The following STON2 variants were observed in gnomAD, a reference collection of about 807,000 sequenced individuals.
STON2 encodes stonin-2.
Under a neutral mutation model 65.7 loss-of-function variants are expected in STON2, and 29 were observed. That is an observed-to-expected ratio of 0.44 (90% CI 0.33 to 0.60). The LOEUF (loss-of-function observed/expected upper bound fraction) is 0.60, where lower values mean the gene tolerates loss of function less well. Ranked by LOEUF, STON2 falls within the 20% of genes least tolerant of loss-of-function variation. The pLI, the probability that STON2 is intolerant of heterozygous loss-of-function variation, is 0.03. For missense variants in STON2, 1,054 were observed against 1,118.1 expected (o/e 0.94, Z 0.82); for synonymous variants, 404 against 414.2 (o/e 0.98, Z 0.30).
At chr14:81,357,900 AG>A (rs1189499001) in intron 4 of STON2, among the ~76,000 whole-genome samples, 2 of 78,382 alleles carry the variant, frequency 2.6e-5, no homozygotes, top group Non-Finnish European at 4.6e-5. Context: ...GGGTGGGGGG[AG>A]GGGGGAGGGA....
intron 3 of STON2, chr14:81,394,800 C>T (rs1900236803): frequency 1.3e-5 from 2 of 152,232 alleles, no homozygotes; most frequent in Admixed American, 6.5e-5. Context: ...TCCCCTAGAG[C>T]TTCCAGAAAG....
At chr14:81,297,732 T>C (rs1344581076) in intron 5 of STON2, among the ~76,000 whole-genome samples, 1 of 152,208 alleles carries the variant, frequency 6.6e-6, no homozygotes, top group Admixed American at 6.5e-5. Flanking sequence ...TAATAATCAA[T>C]AGAAAGTAAT....
chr14:81,292,040 G>A (rs1338457515), intron 5 of STON2, among the ~76,000 whole-genome samples: 1 of 152,022 alleles, frequency 6.6e-6, no homozygotes. Flanking sequence ...CTATTATTTG[G>A]GCAATAATTC....
chr14:81,291,288 A>G (rs1050415157), intron 5 of STON2, among the ~76,000 whole-genome samples: 1 of 152,182 alleles, frequency 6.6e-6, no homozygotes, highest in African/African-American at 2.4e-5. Context: ...ATGTATATGA[A>G]GACATATACA....
intron 5 of STON2, among the ~76,000 whole-genome samples, chr14:81,305,418 G>A (rs998400474): frequency 3.3e-4 from 50 of 152,326 alleles, no homozygotes; most frequent in African/African-American, 1.2e-3. Context: ...GGTGTGTGGT[G>A]TGTTATATTG....
upstream of STON2, among the ~76,000 whole-genome samples, chr14:81,401,166 T>C (rs1026776113): frequency 1.3e-5 from 2 of 152,222 alleles, no homozygotes; most frequent in African/African-American, 4.8e-5. Flanking sequence ...GTTTCAGTCA[T>C]TGTTCAAAAT....
At chr14:81,298,416 G>A (rs545883900) in intron 5 of STON2, among the ~76,000 whole-genome samples, 28 of 48,564 alleles carry the variant, frequency 5.8e-4, no homozygotes, top group Middle Eastern at 0.01. Context: ...GCTTCAGATG[G>A]GGGGGGGGAA....
chr14:81,370,456 T>C (rs1011813679), intron 4 of STON2, among the ~76,000 whole-genome samples: 2 of 152,240 alleles, frequency 1.3e-5, no homozygotes, highest in Admixed American at 6.5e-5. Flanking sequence ...GGAGGCATAG[T>C]GCATTGCCGA....
At chr14:81,407,221 T>C (rs1278616817) in intron 2 of STON2, among the ~76,000 whole-genome samples, 3 of 152,208 alleles carry the variant, frequency 2.0e-5, no homozygotes, top group Non-Finnish European at 2.9e-5. Context: ...CCCTGGAACA[T>C]TACTTTCTGA....
At chr14:81,293,632 A>G (rs1895649082) in intron 5 of STON2, among the ~76,000 whole-genome samples, 1 of 152,166 alleles carries the variant, frequency 6.6e-6, no homozygotes, top group African/African-American at 2.4e-5. Flanking sequence ...GAGATTAAAT[A>G]CATATATCTT....
chr14:81,427,373 G>A (rs1902029141), intron 1 of STON2: 1 of 152,160 alleles, frequency 6.6e-6, no homozygotes, highest in Non-Finnish European at 1.5e-5. Flanking sequence ...ACAGCCCCTG[G>A]GCCCAGGAGC....
At chr14:81,331,588 C>G (rs1897217570) in intron 4 of STON2, among the ~76,000 whole-genome samples, 1 of 152,176 alleles carries the variant, frequency 6.6e-6, no homozygotes. Context: ...CACTGCCCAC[C>G]AATACAACGA....
intron 3 of STON2, among the ~76,000 whole-genome samples, chr14:81,384,580 A>AC (rs909150477): frequency 6.6e-6 from 1 of 151,476 alleles, no homozygotes; most frequent in Non-Finnish European, 1.5e-5. Context: ...TCTGGTATGA[A>AC]CCCCCCTCCC....
At chr14:81,394,073 C>T (rs1900203488) in intron 3 of STON2, among the ~76,000 whole-genome samples, 1 of 152,054 alleles carries the variant, frequency 6.6e-6, no homozygotes. Flanking sequence ...TGCTTGTAAT[C>T]CCAGCTACTC....
At chr14:81,287,278 A>G (rs994697704) in intron 5 of STON2, among the ~76,000 whole-genome samples, 5 of 152,166 alleles carry the variant, frequency 3.3e-5, no homozygotes, top group Non-Finnish European at 7.3e-5. Context: ...AGTCATTACA[A>G]ATGATACGTA....
At chr14:81,402,649 A>C (rs1188808861), upstream of STON2, among the ~76,000 whole-genome samples, 1 of 152,158 alleles carries the variant, frequency 6.6e-6, no homozygotes, top group African/African-American at 2.4e-5. Flanking sequence ...AGAGGGTGTC[A>C]AGCATCCTGG....
chr14:81,349,546 C>T (rs919876102), intron 4 of STON2, among the ~76,000 whole-genome samples: 23 of 152,052 alleles, frequency 1.5e-4, no homozygotes, highest in African/African-American at 5.3e-4. Context: ...GACATCTTAC[C>T]CCTATCAGTA....
intron 4 of STON2, among the ~76,000 whole-genome samples, chr14:81,363,804 G>GC (rs1468878752): frequency 6.6e-6 from 1 of 152,154 alleles, no homozygotes; most frequent in Non-Finnish European, 1.5e-5. Context: ...ATAGAGATGT[G>GC]CCTTAAGAAC....
chr14:81,279,344 G>C (rs1356397830), intron 5 of STON2, among the ~76,000 whole-genome samples: 3 of 152,258 alleles, frequency 2.0e-5, no homozygotes, highest in Non-Finnish European at 2.9e-5. Flanking sequence ...ACTCATGAAA[G>C]AGAAACTAAA....
Sources: allele counts gnomAD v4.1 joint callset (sites outside exome capture counted in the v4.1 genomes callset), GRCh38; gene constraint gnomAD v4.1.1; transcripts MANE v1.5; gene names NCBI Gene and HGNC (gene_info 2026-07-23, HGNC 2026-07-21).